PDE8B: variants seen among roughly 807,000 people sequenced by gnomAD.
PDE8B encodes phosphodiesterase 8B.
In PDE8B, 26 loss-of-function variants were observed where a neutral mutation model predicts 101.3. That is an observed-to-expected ratio of 0.26 (90% CI 0.19 to 0.36). The LOEUF (loss-of-function observed/expected upper bound fraction) is 0.36. Among genes scored for constraint, PDE8B ranks in the 10% least tolerant of loss-of-function variants. The pLI, the probability that PDE8B is intolerant of heterozygous loss-of-function variation, is 1.00. For synonymous variants in PDE8B, 424 were observed against 429.3 expected (o/e 0.99, Z 0.15); for missense variants, 810 against 1,163.1 (o/e 0.70, Z 4.42).
intron 1 of PDE8B, among the ~76,000 whole-genome samples, chr5:77,260,030 G>A (rs1760141272): frequency 1.3e-5 from 2 of 151,912 alleles, no homozygotes; most frequent in South Asian, 4.2e-4. Context: ...TGGCCATGGT[G>A]GCCCATGCCT....
At chr5:77,216,657 A>C (rs1749810211) in intron 1 of PDE8B, among the ~76,000 whole-genome samples, 1 of 152,152 alleles carries the variant, frequency 6.6e-6, no homozygotes, top group Non-Finnish European at 1.5e-5. Flanking sequence ...AGTTATGGGA[A>C]TCTGAGAAAC....
At chr5:77,313,549 T>C (rs1773149160) in intron 2 of PDE8B, among the ~76,000 whole-genome samples, 1 of 152,222 alleles carries the variant, frequency 6.6e-6, no homozygotes, top group Non-Finnish European at 1.5e-5. Context: ...TAGTGTGGTT[T>C]TAGATCAATT....
the PDE8B span, among the ~76,000 whole-genome samples, chr5:77,095,598 A>G: frequency 5.3e-5 from 8 of 152,302 alleles, no homozygotes; most frequent in Middle Eastern, 6.8e-3. Flanking sequence ...TGTGCTATTC[A>G]TCATTGTTCC....
At chr5:77,182,482 G>C in the PDE8B span, among the ~76,000 whole-genome samples, 1 of 152,110 alleles carries the variant, frequency 6.6e-6, no homozygotes, top group Non-Finnish European at 1.5e-5. Flanking sequence ...CTGTGCATTT[G>C]AAAGATTCCA....
chr5:77,237,680 C>T (rs1463682701), intron 1 of PDE8B, among the ~76,000 whole-genome samples: 1 of 152,138 alleles, frequency 6.6e-6, no homozygotes, highest in Non-Finnish European at 1.5e-5. Flanking sequence ...TATTTACAAT[C>T]TATTGCTTTT....
chr5:77,397,360 A>G (rs1048247693), intron 10 of PDE8B, among the ~76,000 whole-genome samples: 8 of 152,036 alleles, frequency 5.3e-5, no homozygotes, highest in African/African-American at 1.4e-4. Context: ...GCCAAATTAG[A>G]GCTCTGTCAT....
At chr5:77,347,605 G>T (rs1780373237) in intron 7 of PDE8B, among the ~76,000 whole-genome samples, 1 of 152,202 alleles carries the variant, frequency 6.6e-6, no homozygotes, top group African/African-American at 2.4e-5. Context: ...AATAGCCTTT[G>T]CCCTTGAGGA....
chr5:77,396,379 T>C (rs552417390), intron 10 of PDE8B, among the ~76,000 whole-genome samples: 1 of 152,352 alleles, frequency 6.6e-6, no homozygotes, highest in East Asian at 1.9e-4. Context: ...AGGCCCAATC[T>C]GGCACTCTTA....
intron 1 of PDE8B, among the ~76,000 whole-genome samples, chr5:77,217,842 A>G (rs1750148414): frequency 6.6e-6 from 1 of 152,150 alleles, no homozygotes; most frequent in Non-Finnish European, 1.5e-5. Flanking sequence ...GGCCCAAAAC[A>G]CTACTTTTCA....
At chr5:77,388,143 G>A (rs1488338506) in intron 10 of PDE8B, among the ~76,000 whole-genome samples, 1 of 152,114 alleles carries the variant, frequency 6.6e-6, no homozygotes, top group African/African-American at 2.4e-5. Flanking sequence ...TGATCCTTTG[G>A]AGGAGAAGAG....
intron 3 of PDE8B, among the ~76,000 whole-genome samples, chr5:77,328,064 T>C (rs1315880885): frequency 6.6e-6 from 1 of 152,216 alleles, no homozygotes; most frequent in East Asian, 1.9e-4. Flanking sequence ...AAATGCATGT[T>C]GTTTCACAAA....
At chr5:77,270,502 G>C (rs186358394) in intron 1 of PDE8B, among the ~76,000 whole-genome samples, 1 of 151,976 alleles carries the variant, frequency 6.6e-6, no homozygotes, top group Admixed American at 6.6e-5. Context: ...CCCTCTTACC[G>C]TTCACTTCTG....
chr5:77,117,709 G>C, the PDE8B span, among the ~76,000 whole-genome samples: 1 of 152,212 alleles, frequency 6.6e-6, no homozygotes, highest in African/African-American at 2.4e-5. Context: ...GGGGTGGACA[G>C]AGCCAGAGGC....
At chr5:77,201,387 T>C in the PDE8B span, among the ~76,000 whole-genome samples, 1 of 152,208 alleles carries the variant, frequency 6.6e-6, no homozygotes, top group South Asian at 2.1e-4. Context: ...GTACCATTTC[T>C]CGTTCCAAGT....
At chr5:77,362,944 C>T (rs1783401232) in intron 10 of PDE8B, among the ~76,000 whole-genome samples, 2 of 152,342 alleles carry the variant, frequency 1.3e-5, no homozygotes, top group Non-Finnish European at 2.9e-5. Flanking sequence ...CTCAGCCTGA[C>T]CAGACCCTCC....
chr5:77,358,491 G>A, intron 10 of PDE8B: 18 of 971,130 alleles, frequency 1.9e-5, no homozygotes, highest in Non-Finnish European at 2.2e-5. Context: ...TGTGGGTTAT[G>A]CCTCTTCGTA....
intron 7 of PDE8B, among the ~76,000 whole-genome samples, chr5:77,346,298 T>A (rs1012751883): frequency 2.6e-5 from 4 of 152,132 alleles, no homozygotes; most frequent in Non-Finnish European, 1.5e-5. Flanking sequence ...CGTGTTTCTG[T>A]TACAGACCAA....
intron 17 of PDE8B, among the ~76,000 whole-genome samples, chr5:77,415,973 A>G (rs1795451270): frequency 6.6e-6 from 1 of 152,170 alleles, no homozygotes; most frequent in Non-Finnish European, 1.5e-5. Flanking sequence ...AGGTAACTGC[A>G]CCTCCACGGG....
At chr5:77,096,002 T>C in the PDE8B span, among the ~76,000 whole-genome samples, 1 of 152,204 alleles carries the variant, frequency 6.6e-6, no homozygotes, top group African/African-American at 2.4e-5. Flanking sequence ...GATACACATT[T>C]TTTTTTGAGA....
Sources: allele counts gnomAD v4.1 joint callset (sites outside exome capture counted in the v4.1 genomes callset), GRCh38; gene constraint gnomAD v4.1.1; transcripts MANE v1.5; gene names NCBI Gene and HGNC (gene_info 2026-07-23, HGNC 2026-07-21).